NHLH2: variants seen among roughly 807,000 people sequenced by gnomAD.
NHLH2 encodes the protein nescient helix-loop-helix 2.
Under a neutral mutation model 7.3 loss-of-function variants are expected in NHLH2, and 7 were observed. That is an observed-to-expected ratio of 0.96 (90% confidence interval 0.55 to 1.81). The LOEUF (loss-of-function observed/expected upper bound fraction) is 1.81, where lower values mean the gene tolerates loss of function less well. NHLH2 is among the 40% of genes most tolerant of loss of function. NHLH2 has a pLI of 0.00. For missense variants in NHLH2, 155 were observed against 194.0 expected (o/e 0.80, Z 1.19); for synonymous variants, 93 against 91.6 (o/e 1.01, Z -0.09).
At chr1:115,838,519 C>T in intron 2 of NHLH2, 139 bp from the exon 3 acceptor site, 1 of 909,972 alleles carries the variant, frequency 1.1e-6, no homozygotes, top group Non-Finnish European at 1.7e-6. Flanking sequence ...CGGCGCGCGA[C>T]GCGGGAGGGC....
chr1:115,837,990 TAGG>T lies in NHLH2; in HGVS notation c.380_382del (p.Ser127del). 1 of 1,606,462 alleles carries T rather than the reference TAGG, an allele frequency of 6.2e-7. No individual in the cohort carries two copies. The highest frequency in any genetic ancestry group is 2.3e-5 in the East Asian group (1 of 43,804). ...CTACACGTCCAGGACGTGGTTGAGA[TAGG>T]AGATGTAGCAGATGGCCAGGCGCAG... is the stretch of plus-strand genomic sequence containing the variant. On this transcript the variant is annotated inframe_deletion, in exon 3 of 3. Coordinates refer to ENST00000320238, the MANE Select transcript of NHLH2 (RefSeq NM_005599.3).
At position 115,838,431 on chromosome 1, in the gene NHLH2, TGGAA is replaced by T. The variant is rs912074224; in HGVS notation, c.-8-55_-8-52del. On this transcript the variant is annotated intron_variant, in intron 2 of 2. Transcript: ENST00000320238. ...AGTAAAAGGAATCAGGGTATTTTGC[TGGAA>T]GGATGGCTGCCGAGGCCTACCACGC... The T allele has an allele frequency of 1.1e-5, 18 of 1,573,792 alleles. No individual in the cohort carries two copies. The African/African-American group carries it at 2.3e-4, about 20-fold the overall frequency.
chr1:115,835,099 C>T (rs1650836100), downstream of NHLH2, among the ~76,000 whole-genome samples: 1 of 152,060 alleles, frequency 6.6e-6, no homozygotes, highest in Admixed American at 6.5e-5. Context: ...GGGATGCTGC[C>T]CTTTGTCCAA....
downstream of NHLH2, among the ~76,000 whole-genome samples, chr1:115,832,281 C>T (rs6662619): frequency 0.26 from 39,716 of 152,066 alleles, 5,324 homozygotes; most frequent in East Asian, 0.35. Flanking sequence ...TATTAATTTA[C>T]CTATGCTTCC....
At chr1:115,836,295 G>C (rs149744731), downstream of NHLH2, 1 of 152,186 alleles carries the variant, frequency 6.6e-6, no homozygotes, top group Non-Finnish European at 1.5e-5. Flanking sequence ...CCTTTCTAAG[G>C]AATTGAGTCC....
downstream of NHLH2, among the ~76,000 whole-genome samples, chr1:115,833,817 C>T (rs79279957): frequency 2.6e-4 from 40 of 152,328 alleles, no homozygotes; most frequent in East Asian, 7.7e-3. Context: ...ATTGGCTGTG[C>T]ATGCTCTTAA....
At chr1:115,832,573 C>T (rs529085660), downstream of NHLH2, among the ~76,000 whole-genome samples, 1 of 152,242 alleles carries the variant, frequency 6.6e-6, no homozygotes, top group South Asian at 2.1e-4. Flanking sequence ...CATACGTTGT[C>T]CCATCTTATG....
downstream of NHLH2, among the ~76,000 whole-genome samples, chr1:115,832,602 A>G (rs1287454696): frequency 6.6e-6 from 1 of 152,220 alleles, no homozygotes; most frequent in African/African-American, 2.4e-5. Flanking sequence ...TGGAGGCTTG[A>G]GGAGATATAG....
downstream of NHLH2, among the ~76,000 whole-genome samples, chr1:115,835,557 T>C (rs1557828599): frequency 6.6e-6 from 1 of 152,164 alleles, no homozygotes; most frequent in Non-Finnish European, 1.5e-5. Flanking sequence ...ACCTAGTAGG[T>C]ATCTGTGAAG....
chr1:115,832,089 C>T (rs1650767434), downstream of NHLH2, among the ~76,000 whole-genome samples: 2 of 152,106 alleles, frequency 1.3e-5, no homozygotes, highest in Admixed American at 6.5e-5. Flanking sequence ...TAAAAATTAG[C>T]TTTGACAGAG....
Position 115,837,833 on chromosome 1 carries a change from T to A in NHLH2, c.*132A>T. 2 of 972,120 alleles carry A rather than the reference T, an allele frequency of 2.1e-6. No homozygotes were observed. Among genetic ancestry groups the A allele is most frequent in the Non-Finnish European group, 2.9e-6 (2 of 683,274 alleles). 60.2% of individuals were successfully genotyped at this position (972,120 alleles called of 1,614,324 possible). On this transcript the variant is annotated 3_prime_UTR_variant, in exon 3 of 3. Coordinates refer to ENST00000320238, the MANE Select transcript of NHLH2 (RefSeq NM_005599.3). ...CAGAGAGAACAGGTAGCGAGCTTCT[T>A]CCCCGGCCGTCTCTCGAGGCGGCCG...
downstream of NHLH2, among the ~76,000 whole-genome samples, chr1:115,833,845 CT>C (rs1334997307): frequency 6.6e-6 from 1 of 152,192 alleles, no homozygotes; most frequent in Non-Finnish European, 1.5e-5. Context: ...CTCTTCTCCC[CT>C]TAAATTCTCT....
Position 115,837,943 on chromosome 1 carries a change from G to A in NHLH2, c.*22C>T. ...CGTTTCGCGGACGCCGGGACAGGCG[G>A]CCCCCCGCGGCGCACCCCGCCCTAC... On this transcript the variant is annotated 3_prime_UTR_variant, in exon 3 of 3. Transcript: ENST00000320238. 6.3e-7 allele frequency: 1 copy of A among 1,583,780 alleles called. No individual in the cohort carries two copies. The highest frequency in any genetic ancestry group is 2.4e-5 in the East Asian group (1 of 41,690).
intron 2 of NHLH2, chr1:115,839,106 G>A (rs1650977789): frequency 1.2e-5 from 2 of 167,368 alleles, no homozygotes; most frequent in African/African-American, 4.8e-5. Flanking sequence ...TGCCCTCGCA[G>A]GCTCCCGGAG....
In NHLH2 at chr1:115,840,958, AAT is replaced by A. The variant is rs1651061719; in HGVS notation, c.-350_-349del. 3.0e-5 allele frequency: 5 copies of A among 167,222 alleles called. No homozygotes were observed. Among genetic ancestry groups the A allele is most frequent in the Non-Finnish European group, 7.3e-5 (5 of 68,336 alleles). The allele number at this position is 167,222 out of a possible 1,614,324, so 10.4% of individuals were successfully genotyped here. ...CCCTCTTCTCTTTACCTTGTAGCAA[AAT>A]ATATATAGTCAGTGGCTTGGAGATG... On this transcript the variant is annotated 5_prime_UTR_variant, in exon 1 of 3. Transcript: ENST00000320238.
rs1157177772 is a variant in NHLH2 at position 115,838,236 on chromosome 1, C to T, written c.137G>A (p.Gly46Asp). The T allele has an allele frequency of 6.4e-7, 1 of 1,563,028 alleles. No homozygotes were observed. Among genetic ancestry groups the T allele is most frequent in the Non-Finnish European group, 8.6e-7 (1 of 1,156,830 alleles). ...SDLEPVEEAEGDGKGGSRAAL... is the reference protein window; with the variant it reads ...SDLEPVEEAEDDGKGGSRAAL... ...GGCTCGGCTGCCGCCCTTGCCGTCG[C>T]CCTCGGCCTCCTCCACCGGCTCCAG... is the stretch of plus-strand genomic sequence containing the variant. The change falls in exon 3 of 3, where the codon GGC becomes GAC. Residue 46 changes from glycine to aspartate, a missense_variant. This residue lies in a region of NHLH2 where 91 missense variants were observed against 86.6 expected (regional missense o/e 1.05). Transcript: ENST00000320238.
Position 115,837,914 on chromosome 1 carries a change from G to T in NHLH2, c.*51C>A. On this transcript the variant is annotated 3_prime_UTR_variant, in exon 3 of 3. Transcript: ENST00000320238. The stretch of plus-strand genomic sequence containing the variant: ...CGAGCGACGGCGCCCGTCCGGATCC[G>T]TAGCGTTTCGCGGACGCCGGGACAG... The T allele has an allele frequency of 1.1e-5, 17 of 1,560,528 alleles. No individual in the cohort carries two copies. The highest frequency in any genetic ancestry group is 1.4e-5 in the Non-Finnish European group (16 of 1,155,334).
chr1:115,838,562 T>TCGG, intron 2 of NHLH2, 182 bp from the exon 3 acceptor site: 3 of 568,376 alleles, frequency 5.3e-6, no homozygotes, highest in Non-Finnish European at 8.8e-6. Context: ...GCGCGAGCCC[T>TCGG]GCGCCTCGCC....
chr1:115,834,458 G>A (rs184948438), downstream of NHLH2, among the ~76,000 whole-genome samples: 21 of 152,268 alleles, frequency 1.4e-4, no homozygotes, highest in South Asian at 4.1e-4. Context: ...GGCCAGCTGC[G>A]GAAAGGTAAG....
Sources: allele counts gnomAD v4.1 joint callset (sites outside exome capture counted in the v4.1 genomes callset), GRCh38; gene constraint gnomAD v4.1.1; regional missense constraint gnomAD v4.1.1; transcripts MANE v1.5; gene names NCBI Gene and HGNC (gene_info 2026-07-23, HGNC 2026-07-21).